The following DPP10 variants were observed in gnomAD, a reference collection of about 807,000 sequenced individuals.
DPP10 encodes inactive dipeptidyl peptidase 10.
A neutral mutation model predicts 120.9 loss-of-function variants in DPP10; 33 were observed. That is an observed-to-expected ratio of 0.27 (90% CI 0.21 to 0.37). DPP10 has a LOEUF of 0.37. Ranked by LOEUF, DPP10 falls within the 10% of genes least tolerant of loss-of-function variation. The pLI is 1.00. For missense variants in DPP10, 816 were observed against 942.8 expected (o/e 0.87, Z 1.76); for synonymous variants, 337 against 326.1 (o/e 1.03, Z -0.36).
chr2:114,834,006 T>C (rs1382977714), intron 1 of DPP10: 2 of 151,980 alleles, frequency 1.3e-5, no homozygotes, highest in Non-Finnish European at 2.9e-5. Flanking sequence ...GGTGTATATG[T>C]ACATGTATAC....
At chr2:115,455,657 A>C (rs1417090318) in intron 3 of DPP10, among the ~76,000 whole-genome samples, 1 of 152,110 alleles carries the variant, frequency 6.6e-6, no homozygotes, top group Non-Finnish European at 1.5e-5. Context: ...CTCAGAGACA[A>C]CACCACACAT....
intron 7 of DPP10, among the ~76,000 whole-genome samples, chr2:115,709,220 A>T (rs1295857763): frequency 6.6e-6 from 1 of 152,064 alleles, no homozygotes; most frequent in African/African-American, 2.4e-5. Flanking sequence ...AAGTAAGTTG[A>T]ATCTCTGATA....
intron 1 of DPP10, among the ~76,000 whole-genome samples, chr2:114,732,156 C>A (rs1676982120): frequency 6.6e-6 from 1 of 152,138 alleles, no homozygotes; most frequent in African/African-American, 2.4e-5. Flanking sequence ...TACAAGTATT[C>A]CCTATACATA....
intron 1 of DPP10, among the ~76,000 whole-genome samples, chr2:114,818,345 A>G (rs1438816123): frequency 6.6e-6 from 1 of 152,168 alleles, no homozygotes; most frequent in African/African-American, 2.4e-5. Flanking sequence ...CATTTCTTCA[A>G]GTAACTATAT....
intron 1 of DPP10, among the ~76,000 whole-genome samples, chr2:114,506,251 A>G (rs1001509872): frequency 6.6e-6 from 1 of 152,198 alleles, no homozygotes; most frequent in Non-Finnish European, 1.5e-5. Flanking sequence ...GTGGAAGACT[A>G]TGGTTAGATG....
At chr2:114,564,178 G>A (rs1191042018) in intron 1 of DPP10, among the ~76,000 whole-genome samples, 3 of 152,100 alleles carry the variant, frequency 2.0e-5, no homozygotes, top group Non-Finnish European at 1.5e-5. Flanking sequence ...AATGGGAGGT[G>A]TAATTTTATG....
chr2:114,971,100 C>T (rs1699360397), intron 1 of DPP10, among the ~76,000 whole-genome samples: 1 of 152,142 alleles, frequency 6.6e-6, no homozygotes, highest in South Asian at 2.1e-4. Context: ...ATGTGAGCAC[C>T]TCTTGTGTGT....
At chr2:114,532,296 T>TATATATATATACATACACACACACAC (rs1342125338) in intron 1 of DPP10, among the ~76,000 whole-genome samples, 1 of 74,760 alleles carries the variant, frequency 1.3e-5, no homozygotes, top group African/African-American at 6.6e-5. Flanking sequence ...TATATATATA[T>TATATATATATACATACACACACACAC]ACACACACAC....
chr2:115,217,690 A>T (rs1446242670), intron 1 of DPP10, among the ~76,000 whole-genome samples: 7 of 152,172 alleles, frequency 4.6e-5, no homozygotes, highest in Non-Finnish European at 1.5e-5. Context: ...CGCACATGAA[A>T]ATTAAGCTTT....
intron 1 of DPP10, among the ~76,000 whole-genome samples, chr2:114,915,272 T>C (rs1448616865): frequency 6.6e-6 from 1 of 152,300 alleles, no homozygotes; most frequent in East Asian, 1.9e-4. Context: ...AGAAGAGCAT[T>C]ACATAATGAT....
chr2:114,483,737 A>C (rs780780201), intron 1 of DPP10, among the ~76,000 whole-genome samples: 9 of 152,144 alleles, frequency 5.9e-5, no homozygotes, highest in Non-Finnish European at 1.0e-4. Flanking sequence ...GGGGCTTACA[A>C]ACTGGAGGAC....
At chr2:115,132,577 T>A (rs2050416903) in intron 1 of DPP10, among the ~76,000 whole-genome samples, 1 of 152,188 alleles carries the variant, frequency 6.6e-6, no homozygotes, top group Non-Finnish European at 1.5e-5. Context: ...CAAGGATTCT[T>A]TTTTGTCAGT....
chr2:115,167,593 C>T (rs1001225270), intron 1 of DPP10, among the ~76,000 whole-genome samples: 8 of 125,952 alleles, frequency 6.4e-5, no homozygotes, highest in Non-Finnish European at 9.4e-5. Flanking sequence ...GGCAACAGAA[C>T]GAGACCGTCT....
chr2:115,003,789 A>G (rs1162712372), intron 1 of DPP10, among the ~76,000 whole-genome samples: 8 of 152,156 alleles, frequency 5.3e-5, no homozygotes, highest in Non-Finnish European at 1.0e-4. Flanking sequence ...CTTAAATTGT[A>G]AAAGCAATCT....
At chr2:115,480,141 T>G (rs544693569) in intron 3 of DPP10, among the ~76,000 whole-genome samples, 4 of 152,046 alleles carry the variant, frequency 2.6e-5, no homozygotes, top group Non-Finnish European at 4.4e-5. Context: ...CAAATTGTAT[T>G]TAAAGTCTGT....
At chr2:115,654,141 C>T (rs899317238) in intron 5 of DPP10, among the ~76,000 whole-genome samples, 3 of 151,748 alleles carry the variant, frequency 2.0e-5, no homozygotes, top group African/African-American at 7.2e-5. Context: ...GAATGAGTTT[C>T]ATCCACCCTG....
At chr2:115,760,749 T>G (rs1680013704) in intron 11 of DPP10, among the ~76,000 whole-genome samples, 2 of 152,266 alleles carry the variant, frequency 1.3e-5, no homozygotes, top group East Asian at 3.9e-4. Context: ...TCTCCACGTA[T>G]TTGTTAAAGT....
chr2:114,526,883 T>A (rs1254922109), intron 1 of DPP10, among the ~76,000 whole-genome samples: 1 of 152,202 alleles, frequency 6.6e-6, no homozygotes, highest in Non-Finnish European at 1.5e-5. Flanking sequence ...TAATTACATG[T>A]GTATTTATGT....
intron 3 of DPP10, among the ~76,000 whole-genome samples, chr2:115,421,082 C>G (rs1419532113): frequency 6.6e-6 from 1 of 151,750 alleles, no homozygotes; most frequent in Non-Finnish European, 1.5e-5. Context: ...GTGTAGTGGC[C>G]CTATTTTTTT....
Sources: gnomAD v4.1 joint callset for allele counts (sites outside exome capture counted in the v4.1 genomes callset) on GRCh38, gnomAD v4.1.1 for gene constraint, MANE v1.5 for transcripts, NCBI Gene and HGNC (gene_info 2026-07-23, HGNC 2026-07-21) for gene names.